GABBR2: variants seen among roughly 807,000 people sequenced by gnomAD.
GABBR2 encodes the protein G-protein coupled receptor 51.
GABBR2 carries 23 observed loss-of-function variants against 105.6 expected under a neutral mutation model. The ratio of observed to expected loss-of-function variants is 0.22; its 90% CI spans 0.16 to 0.31. The LOEUF is 0.31. GABBR2 is among the 10% of genes least tolerant of loss of function. The pLI is 1.00. For missense variants in GABBR2, 734 were observed against 1,245.5 expected (o/e 0.59, Z 6.18); for synonymous variants, 478 against 499.7 (o/e 0.96, Z 0.58).
intron 1 of GABBR2, among the ~76,000 whole-genome samples, chr9:98,641,066 A>G (rs1029298600): frequency 9.9e-5 from 15 of 151,532 alleles, no homozygotes; most frequent in African/African-American, 2.9e-4. Context: ...CTCCACCCCT[A>G]TTGAGGCACT....
At chr9:98,336,093 A>T (rs1831110283) in intron 13 of GABBR2, among the ~76,000 whole-genome samples, 1 of 152,230 alleles carries the variant, frequency 6.6e-6, no homozygotes. Flanking sequence ...ACATTTAAGG[A>T]TCTGGTGATC....
chr9:98,602,157 T>C (rs1829347605), intron 1 of GABBR2, among the ~76,000 whole-genome samples: 3 of 142,888 alleles, frequency 2.1e-5, no homozygotes, highest in Admixed American at 6.9e-5. Flanking sequence ...TGCACCACCA[T>C]GCCTGGTTAA....
chr9:98,704,348 TA>T (rs1830868130), intron 1 of GABBR2, among the ~76,000 whole-genome samples: 4 of 152,378 alleles, frequency 2.6e-5, no homozygotes, highest in Middle Eastern at 3.4e-3. Flanking sequence ...CTGACAGTTG[TA>T]CCCCTAGACT....
chr9:98,533,135 C>T (rs12351127), intron 3 of GABBR2, among the ~76,000 whole-genome samples: 51,840 of 152,006 alleles, frequency 0.34, 9,065 homozygotes, highest in Middle Eastern at 0.49. Context: ...ACTGCCTGGC[C>T]CTTTGCAACG....
intron 2 of GABBR2, among the ~76,000 whole-genome samples, chr9:98,568,671 G>A (rs986409139): frequency 1.3e-5 from 2 of 152,178 alleles, no homozygotes; most frequent in African/African-American, 4.8e-5. Flanking sequence ...GGCCTTTGCA[G>A]TGGCCTTCAG....
At chr9:98,553,414 C>T (rs562776445) in intron 2 of GABBR2, among the ~76,000 whole-genome samples, 2 of 151,888 alleles carry the variant, frequency 1.3e-5, no homozygotes, top group East Asian at 2.0e-4. Context: ...GGCAACATGG[C>T]GAAACCCCAT....
At chr9:98,672,523 C>T (rs534448633) in intron 1 of GABBR2, among the ~76,000 whole-genome samples, 10 of 152,370 alleles carry the variant, frequency 6.6e-5, no homozygotes, top group Admixed American at 3.9e-4. Flanking sequence ...TCTCAGGGTT[C>T]GTCTGAGTCG....
chr9:98,325,452 C>T lies in GABBR2; in HGVS notation c.1894-14247G>A, dbSNP rs116357045. Among the ~76,000 whole-genome samples the T allele has an allele frequency of 5.4e-3, 816 of 152,000 alleles. 13 individuals carry two copies. Among genetic ancestry groups the T allele is most frequent in the African/African-American group, 0.018 (759 of 41,418 alleles). ...GATTACACGTGCATGCCACAACACC[C>T]GGCTGATTTTTATATTTTTAGTAGA... is the stretch of plus-strand genomic sequence containing the variant. On this transcript the variant is annotated intron_variant, in intron 13 of 18. Transcript: ENST00000259455.
chr9:98,418,167 A>C (rs1712087392), intron 7 of GABBR2, among the ~76,000 whole-genome samples: 1 of 152,162 alleles, frequency 6.6e-6, no homozygotes, highest in Admixed American at 6.5e-5. Flanking sequence ...AAGGACTGGA[A>C]GCAAGGCAGC....
intron 1 of GABBR2, among the ~76,000 whole-genome samples, chr9:98,593,366 T>C (rs1270830956): frequency 6.6e-6 from 1 of 152,128 alleles, no homozygotes; most frequent in African/African-American, 2.4e-5. Context: ...TGAAGGTCGT[T>C]ATTCAAGTGA....
chr9:98,309,284 G>C (rs1028296094), intron 14 of GABBR2, among the ~76,000 whole-genome samples: 1 of 152,216 alleles, frequency 6.6e-6, no homozygotes, highest in Non-Finnish European at 1.5e-5. Context: ...AGAAGACAAT[G>C]AATGATCAAA....
At chr9:98,519,789 A>G (rs77596267) in intron 3 of GABBR2, among the ~76,000 whole-genome samples, 6,485 of 151,968 alleles carry the variant, frequency 0.043, 481 homozygotes, top group African/African-American at 0.15. Flanking sequence ...TTTCCCAACA[A>G]CGTTGCAAAT....
At chr9:98,290,833 A>C in intron 18 of GABBR2, 84 bp from the exon 19 acceptor site, 1 of 922,598 alleles carries the variant, frequency 1.1e-6, no homozygotes, top group Non-Finnish European at 1.5e-6. Context: ...TTGGCTAAAA[A>C]AGCTGATGAC....
At chr9:98,573,889 T>C (rs1368362034) in intron 2 of GABBR2, among the ~76,000 whole-genome samples, 2 of 152,218 alleles carry the variant, frequency 1.3e-5, no homozygotes, top group East Asian at 1.9e-4. Flanking sequence ...AAGTAAGATT[T>C]TTTTTGCCTC....
chr9:98,492,431 A>ACCC (rs1827197720), intron 4 of GABBR2, among the ~76,000 whole-genome samples: 1 of 149,788 alleles, frequency 6.7e-6, no homozygotes, highest in Non-Finnish European at 1.5e-5. Flanking sequence ...TTCCCATACA[A>ACCC]CCCCTCATCC....
Position 98,306,666 on chromosome 9 carries a change from A to C in GABBR2, c.2005-321T>G. On this transcript the variant is annotated intron_variant, in intron 14 of 18. Transcript: ENST00000259455. This position sits in a 1 kb window ranked among gnomAD's most constrained non-coding sequence, Gnocchi z 5.4. Reference sequence around the variant, plus strand: ...AGATAAGATCTCAGCTTTCTCCCTCACTCTCTAGGGAATACTAATATCCAG... The same window carrying C: ...AGATAAGATCTCAGCTTTCTCCCTCCCTCTCTAGGGAATACTAATATCCAG... 2 of 395,488 alleles carry C rather than the reference A, an allele frequency of 5.1e-6. No individual in the cohort carries two copies. The highest frequency in any genetic ancestry group is 3.9e-5 in the Admixed American group (1 of 25,358). 24.5% of individuals were successfully genotyped at this position (395,488 alleles called of 1,614,324 possible).
chr9:98,390,689 C>T (rs1832164395), intron 9 of GABBR2, among the ~76,000 whole-genome samples: 1 of 152,046 alleles, frequency 6.6e-6, no homozygotes, highest in African/African-American at 2.4e-5. Context: ...TCCCCAAACA[C>T]CTGGCTCAGG....
At chr9:98,404,715 G>A (rs554318404) in intron 8 of GABBR2, among the ~76,000 whole-genome samples, 33 of 152,114 alleles carry the variant, frequency 2.2e-4, no homozygotes, top group Non-Finnish European at 3.8e-4. Context: ...CTGCACCTCC[G>A]TTTTTCCCTC....
chr9:98,544,744 GCAGA>G (rs2131743549), intron 2 of GABBR2, among the ~76,000 whole-genome samples: 1 of 152,310 alleles, frequency 6.6e-6, no homozygotes, highest in South Asian at 2.1e-4. Flanking sequence ...CCATGTATGT[GCAGA>G]CAGACATGCA....
Sources: allele counts gnomAD v4.1 joint callset (sites outside exome capture counted in the v4.1 genomes callset), GRCh38; gene constraint gnomAD v4.1.1; non-coding constraint Gnocchi (gnomAD v3.1); transcripts MANE v1.5; gene names NCBI Gene and HGNC (gene_info 2026-07-23, HGNC 2026-07-21).